Variants in NFKB1 observed in about 807,000 individuals in gnomAD.
NFKB1 encodes nuclear factor NF-kappa-B p105 subunit.
In NFKB1, 9 loss-of-function variants were observed where a neutral mutation model predicts 105.1. That is an observed-to-expected ratio of 0.09 (90% CI 0.05 to 0.15). The LOEUF (loss-of-function observed/expected upper bound fraction) is 0.15. NFKB1 is among the 10% of genes least tolerant of loss of function. The pLI is 1.00. For synonymous variants in NFKB1, 440 were observed against 442.2 expected (o/e 1.00, Z 0.06); for missense variants, 830 against 1,203.7 (o/e 0.69, Z 4.59).
chr4:102,505,446 T>C (rs1355727075), intron 1 of NFKB1, among the ~76,000 whole-genome samples: 1 of 152,234 alleles, frequency 6.6e-6, no homozygotes, highest in East Asian at 1.9e-4. Flanking sequence ...TCTGCTTTAA[T>C]TTATTGCCTG....
Position 102,576,138 on chromosome 4 carries a change from G to T in NFKB1, c.408-738G>T, listed in dbSNP as rs188147843. Among the ~76,000 whole-genome samples, 5 of 152,146 alleles carry T rather than the reference G, an allele frequency of 3.3e-5. No individual in the cohort carries two copies. The East Asian group carries it at 9.7e-4, about 29-fold the overall frequency. On this transcript the variant is annotated intron_variant, in intron 6 of 23. Transcript: ENST00000226574. ...ATCACATATTTTGTTTTATAAATAT[G>T]TAGCCTTCGTGAGATAAAAGATTCT...
chr4:102,590,972 A>G (rs1281708648), intron 11 of NFKB1, among the ~76,000 whole-genome samples: 1 of 152,216 alleles, frequency 6.6e-6, no homozygotes, highest in Non-Finnish European at 1.5e-5. Context: ...TAATCCAGAG[A>G]AAGGCCTTAA....
chr4:102,502,390 G>GCGCGCA (rs1311577382), intron 1 of NFKB1, among the ~76,000 whole-genome samples: 1,278 of 105,356 alleles, frequency 0.012, 18 homozygotes, highest in East Asian at 0.032. Context: ...GCGCGCGCGC[G>GCGCGCA]CACACACACA....
At chr4:102,531,228 A>G (rs1741270502) in intron 3 of NFKB1, among the ~76,000 whole-genome samples, 1 of 152,210 alleles carries the variant, frequency 6.6e-6, no homozygotes, top group South Asian at 2.1e-4. Context: ...TTATCAAGAT[A>G]ACCATCTCAG....
intron 19 of NFKB1, among the ~76,000 whole-genome samples, chr4:102,608,774 G>A (rs1479884446): frequency 6.6e-6 from 1 of 151,576 alleles, no homozygotes; most frequent in East Asian, 1.9e-4. Context: ...TTGTTAAATA[G>A]AACTTTTTCT....
intron 22 of NFKB1, among the ~76,000 whole-genome samples, chr4:102,613,036 G>A (rs1728571980): frequency 6.6e-6 from 1 of 151,856 alleles, no homozygotes; most frequent in African/African-American, 2.4e-5. Flanking sequence ...AAAATAAAAT[G>A]TAGAAAAGCA....
chr4:102,562,899 A>G (rs1282859425), intron 5 of NFKB1, among the ~76,000 whole-genome samples: 2 of 152,164 alleles, frequency 1.3e-5, no homozygotes, highest in Non-Finnish European at 2.9e-5. Context: ...CATCATCATC[A>G]TCATCAATCA....
chr4:102,595,774 T>A (rs1353062609), intron 13 of NFKB1, among the ~76,000 whole-genome samples: 6 of 152,348 alleles, frequency 3.9e-5, no homozygotes, highest in Middle Eastern at 3.4e-3. Flanking sequence ...CGACAACACG[T>A]CTTTATGATT....
At chr4:102,596,430 A>G in intron 14 of NFKB1, 98 bp downstream of exon 14, 1 of 979,890 alleles carries the variant, frequency 1.0e-6, no homozygotes, top group Non-Finnish European at 1.4e-6. Flanking sequence ...ATATATCAAT[A>G]TCTAGTTTAG....
intron 5 of NFKB1, among the ~76,000 whole-genome samples, chr4:102,541,039 C>T (rs764192648): frequency 6.6e-6 from 1 of 152,136 alleles, no homozygotes; most frequent in Non-Finnish European, 1.5e-5. Context: ...TCTAAAGTTT[C>T]TCAAACTTGG....
intron 3 of NFKB1, among the ~76,000 whole-genome samples, chr4:102,530,870 A>C (rs1741245030): frequency 6.6e-6 from 1 of 152,154 alleles, no homozygotes; most frequent in Non-Finnish European, 1.5e-5. Context: ...TTTCACCTTC[A>C]CTAGTAAAGG....
At position 102,569,175 on chromosome 4, in the gene NFKB1, G is replaced by A. The variant is rs369091825; in HGVS notation, c.407+2040G>A. Among the ~76,000 whole-genome samples the A allele has an allele frequency of 3.9e-5, 6 of 152,114 alleles. No individual in the cohort carries two copies. In the East Asian group the frequency reaches 9.6e-4, roughly 24 times the overall value. Reference sequence around the variant, plus strand: ...TATATACATTTTTAAGATTTTCAATGTCAAAACTTATTGCATTTATGTAGA... The same window carrying A: ...TATATACATTTTTAAGATTTTCAATATCAAAACTTATTGCATTTATGTAGA... On this transcript the variant is annotated intron_variant, in intron 6 of 23. Transcript: ENST00000226574.
intron 11 of NFKB1, among the ~76,000 whole-genome samples, chr4:102,592,828 C>G (rs576306882): frequency 7.2e-5 from 11 of 152,210 alleles, no homozygotes; most frequent in African/African-American, 2.6e-4. Flanking sequence ...AGAAGCCTTT[C>G]CTGAATTTCC....
intron 5 of NFKB1, among the ~76,000 whole-genome samples, chr4:102,543,171 G>T (rs1721859004): frequency 6.6e-6 from 1 of 152,092 alleles, no homozygotes; most frequent in South Asian, 2.1e-4. Flanking sequence ...AGCCACGCGT[G>T]AAGTTTTAAA....
At chr4:102,585,479 G>C (rs563497581) in intron 11 of NFKB1, among the ~76,000 whole-genome samples, 2 of 152,312 alleles carry the variant, frequency 1.3e-5, no homozygotes, top group African/African-American at 4.8e-5. Flanking sequence ...CAGGCTTGCT[G>C]TTTAGGAGAA....
Position 102,616,697 on chromosome 4 carries a change from G to T in NFKB1, c.*103G>T. ...TGCATCCAAAGGTGCTCAGAGAGCC[G>T]GCCCGCCTGAATCATTCTCGATTTA... On this transcript the variant is annotated 3_prime_UTR_variant, in exon 24 of 24. Coordinates refer to ENST00000226574, the MANE Select transcript of NFKB1 (RefSeq NM_003998.4). 8.4e-7 allele frequency: 1 copy of T among 1,186,166 alleles called. No homozygotes were observed. Among genetic ancestry groups the T allele is most frequent in the Non-Finnish European group, 1.2e-6 (1 of 851,798 alleles). 73.5% of individuals were successfully genotyped at this position (1,186,166 alleles called of 1,614,324 possible).
rs4648021 is a variant in NFKB1 at position 102,569,261 on chromosome 4, C to T, written c.407+2126C>T. Reference sequence around the variant, plus strand: ...TTATTCCCAGTACTGTTGCTCTCAACAGAGGACTGGGGGCAAGTTACATGA... The same window carrying T: ...TTATTCCCAGTACTGTTGCTCTCAATAGAGGACTGGGGGCAAGTTACATGA... On this transcript the variant is annotated intron_variant, in intron 6 of 23. Coordinates refer to ENST00000226574, the MANE Select transcript of NFKB1 (RefSeq NM_003998.4). Among the ~76,000 whole-genome samples, 529 of 152,196 alleles carry T rather than the reference C, an allele frequency of 3.5e-3. 4 individuals are homozygous for T. The highest frequency in any genetic ancestry group is 0.012 in the African/African-American group (517 of 41,554).
rs1372071476 is a variant in NFKB1, at chr4:102,501,579, C to T, written c.-217C>T. 1 of 147,054 alleles carries T rather than the reference C, an allele frequency of 6.8e-6. No individual in the cohort carries two copies. Among genetic ancestry groups the T allele is most frequent in the Admixed American group, 6.8e-5 (1 of 14,784 alleles). 9.1% of individuals were successfully genotyped at this position (147,054 alleles called of 1,614,324 possible). On this transcript the variant is annotated 5_prime_UTR_variant, in exon 1 of 24. Coordinates refer to ENST00000226574, the MANE Select transcript of NFKB1 (RefSeq NM_003998.4). ...CGCCGCCGCCCGGCCACCGCGCGCC[C>T]TGCGCTTCCCTCCGCCCGCGCTGCG...
chr4:102,557,406 T>C (rs1723066560), intron 5 of NFKB1, among the ~76,000 whole-genome samples: 1 of 152,176 alleles, frequency 6.6e-6, no homozygotes, highest in African/African-American at 2.4e-5. Context: ...GGAGCCCAGA[T>C]TCAGAGCCAG....
Sources: gnomAD v4.1 joint callset for allele counts (sites outside exome capture counted in the v4.1 genomes callset) on GRCh38, gnomAD v4.1.1 for gene constraint, MANE v1.5 for transcripts, NCBI Gene and HGNC (gene_info 2026-07-23, HGNC 2026-07-21) for gene names.